Variants in POLE observed in about 807,000 individuals in gnomAD.
POLE encodes the protein DNA polymerase epsilon catalytic subunit A.
Under a neutral mutation model 279.2 loss-of-function variants are expected in POLE, and 188 were observed. The observed-to-expected ratio is 0.67, with a 90% confidence interval of 0.60 to 0.76. POLE has a LOEUF of 0.76. Ranked by LOEUF, POLE falls within the 30% of genes least tolerant of loss-of-function variation. POLE has a pLI of 0.00. For missense variants in POLE, 2,703 were observed against 3,016.7 expected (o/e 0.90, Z 2.44); for synonymous variants, 1,214 against 1,172.5 (o/e 1.04, Z -0.72).
intron 6 of POLE, among the ~76,000 whole-genome samples, chr12:132,679,183 T>A (rs1368696226): frequency 6.6e-6 from 1 of 152,144 alleles, no homozygotes; most frequent in Non-Finnish European, 1.5e-5. Context: ...TTAATGAAAT[T>A]CATAGATGGA....
chr12:132,659,823 C>T (rs938048192), intron 25 of POLE: 1 of 307,000 alleles, frequency 3.3e-6, no homozygotes, highest in South Asian at 3.8e-5. Context: ...TCCCAAGTAG[C>T]TGAGATTACA....
intron 40 of POLE, 187 bp from the exon 41 acceptor site, chr12:132,638,326 G>T: frequency 2.4e-6 from 1 of 414,946 alleles, no homozygotes; most frequent in South Asian, 8.5e-5. Context: ...ACAAACAAAG[G>T]CAAAAGATAA....
At chr12:132,667,153 C>G (rs1383487944) in intron 20 of POLE, among the ~76,000 whole-genome samples, 1 of 152,118 alleles carries the variant, frequency 6.6e-6, no homozygotes, top group Non-Finnish European at 1.5e-5. Context: ...TCTAGGAACT[C>G]CTCACCTCCC....
Position 132,680,612 on chromosome 12 carries a change from A to G in POLE, c.280T>C (p.Phe94Leu). ...YYFIQDDGSRFKVALPYKPYF... is the reference protein window; with the variant it reads ...YYFIQDDGSRLKVALPYKPYF... ...TGTCGCAGTCAGGGGCTTACCTTAA[A>G]TCTGCTTCCGTCATCTTGAATAAAG... Residue 94 changes from phenylalanine (F) to leucine (L), a missense_variant, in exon 3 of 49, where the codon TTT becomes CTT. Physicochemically the swap from Phe to Leu is conservative, Grantham distance 22 (BLOSUM62 0). Transcript: ENST00000320574. The G allele has an allele frequency of 1.2e-6, 2 of 1,613,118 alleles. No individual in the cohort carries two copies. The highest frequency in any genetic ancestry group is 1.1e-5 in the South Asian group (1 of 91,048).
At chr12:132,638,444 GA>G (rs1166514327) in intron 40 of POLE, 2 of 201,606 alleles carry the variant, frequency 9.9e-6, no homozygotes, top group Admixed American at 5.5e-5. Context: ...CAAAACTACA[GA>G]AAAATAGACA....
intron 41 of POLE, 112 bp from the exon 42 acceptor site, chr12:132,636,136 G>C (rs2042027774): frequency 8.5e-7 from 1 of 1,175,952 alleles, no homozygotes; most frequent in Non-Finnish European, 1.2e-6. Flanking sequence ...CACTGAATTT[G>C]AAAGTTCATT....
intron 40 of POLE, chr12:132,638,914 G>A: frequency 1.7e-6 from 1 of 575,470 alleles, no homozygotes; most frequent in Non-Finnish European, 3.1e-6. Context: ...AGGAGAGGAG[G>A]TGCCACCTAG....
intron 2 of POLE, 81 bp downstream of exon 2, chr12:132,681,057 C>A (rs2136032649): frequency 6.6e-7 from 1 of 1,515,664 alleles, no homozygotes; most frequent in Non-Finnish European, 9.0e-7. Context: ...TCATGTGTCC[C>A]CCACTCTTTA....
chr12:132,641,895 C>T (rs752093639), intron 38 of POLE, 44 bp from the exon 39 acceptor site: 5 of 1,575,004 alleles, frequency 3.2e-6, no homozygotes, highest in Non-Finnish European at 4.3e-6. Context: ...CTGCCAGCTC[C>T]AGCACCACCA....
intron 26 of POLE, 63 bp from the exon 27 acceptor site, chr12:132,658,033 A>G: frequency 1.0e-6 from 1 of 998,102 alleles, no homozygotes; most frequent in Admixed American, 1.8e-5. Context: ...TCTGATCCTA[A>G]CTCTTATCAA....
chr12:132,637,055 T>G (rs2138494184), intron 41 of POLE, among the ~76,000 whole-genome samples: 1 of 152,330 alleles, frequency 6.6e-6, no homozygotes, highest in East Asian at 1.9e-4. Flanking sequence ...AATACAATTC[T>G]AGCCCAAGCC....
rs1383240856 is a variant in POLE at position 132,661,943 on chromosome 12, G to A, written c.2707-259C>T. Among the ~76,000 whole-genome samples the A allele has an allele frequency of 6.6e-6, 1 of 152,200 alleles. No individual in the cohort carries two copies. The highest frequency in any genetic ancestry group is 1.5e-5 in the Non-Finnish European group (1 of 68,022). The stretch of plus-strand genomic sequence containing the variant: ...CCCTTTACATGACATTTTCGACAAA[G>A]CAAAATTATAGTACAAAAAACACAT... On this transcript the variant is annotated intron_variant, in intron 23 of 48. Transcript: ENST00000320574. The surrounding 1 kb of genome is among the most constrained non-coding windows in gnomAD (Gnocchi z 4.1).
In POLE at chr12:132,661,167, G is replaced by GAA. The variant is rs369732588; in HGVS notation, c.2865-5_2865-4dup. ...CGTCTTCATTGAACACAGCATACCT[G>GAA]AAAAAAAAAAAAAAGGCAAGCACAG... is the stretch of plus-strand genomic sequence containing the variant. On this transcript the variant is annotated splice_region_variant and splice_polypyrimidine_tract_variant and intron_variant, in intron 24 of 48. Coordinates refer to ENST00000320574, the MANE Select transcript of POLE (RefSeq NM_006231.4). The surrounding 1 kb of genome is among the most constrained non-coding windows in gnomAD (Gnocchi z 4.1). The GAA allele has an allele frequency of 9.0e-4, 1,236 of 1,368,040 alleles. No homozygotes were observed. Among genetic ancestry groups the GAA allele is most frequent in the South Asian group, 2.5e-3 (185 of 72,644 alleles). The allele number at this position is 1,368,040 out of a possible 1,614,324, so 84.7% of individuals were successfully genotyped here. A position where few individuals can be genotyped will look rare whatever the true frequency, so the allele number is the denominator to read the frequency against.
At position 132,642,939 on chromosome 12, in the gene POLE, G is replaced by A. The variant is rs1418237375; in HGVS notation, c.4609C>T (p.Leu1537Phe). ...GALYSAEHGL[L>F]LEKVGPELLP... ...AGCTCAGGGCCCACCTTCTCCAGGA[G>A]GAGGCCGTGCTCTGCTGAGTACAGG... is the stretch of plus-strand genomic sequence containing the variant. The change falls in exon 36 of 49, where the codon CTC becomes TTC. Residue 1537 changes from leucine to phenylalanine, a missense_variant. By Grantham distance (22) the Leu-to-Phe change is conservative. Around this residue, in one of 5 missense-constraint regions of POLE, gnomAD observed 1,551 missense variants for 1,686.1 expected, o/e 0.92. Coordinates refer to ENST00000320574, the MANE Select transcript of POLE (RefSeq NM_006231.4). 7.4e-6 allele frequency: 12 copies of A among 1,612,000 alleles called. No individual in the cohort carries two copies. Among genetic ancestry groups the A allele is most frequent in the Admixed American group, 1.7e-5 (1 of 59,396 alleles).
At position 132,648,993 on chromosome 12, in the gene POLE, A is replaced by G. The variant is rs776047820; in HGVS notation, c.4085T>C (p.Ile1362Thr). 4 of 1,614,052 alleles carry G rather than the reference A, an allele frequency of 2.5e-6. No homozygotes were observed. Among genetic ancestry groups the G allele is most frequent in the Non-Finnish European group, 2.5e-6 (3 of 1,180,006 alleles). The part of the protein sequence containing the change: ...GSDLHCIRLS[I>T]PRVFYVNQRV... ...CTGGTTCACGTAGAACACACGGGGG[A>G]TGCTCAGCCTGATGCAGTGCAAGTC... is the stretch of plus-strand genomic sequence containing the variant. The change falls in exon 32 of 49, where the codon ATC (isoleucine) becomes ACC (threonine). Residue 1362 changes from isoleucine to threonine, a missense_variant. By Grantham distance (89) the Ile-to-Thr change is moderately conservative. This residue lies in a region of POLE where 1,551 missense variants were observed against 1,686.1 expected (regional missense o/e 0.92). Transcript: ENST00000320574.
At chr12:132,659,242 C>A in intron 26 of POLE, 53 bp downstream of exon 26, 1 of 1,571,146 alleles carries the variant, frequency 6.4e-7, no homozygotes, top group Non-Finnish European at 8.7e-7. Flanking sequence ...GGAGCCCTCA[C>A]CTGTCCGTGA....
chr12:132,674,888 CCCTTCCCTT>C (rs151290785), intron 12 of POLE, among the ~76,000 whole-genome samples: 1,970 of 147,876 alleles, frequency 0.013, 55 homozygotes, highest in African/African-American at 0.047. Context: ...TTTCCTCCCT[CCCTTCCCTT>C]CCTTCCCTTC....
chr12:132,625,457 A>G (rs374632655), intron 47 of POLE, 188 bp downstream of exon 47: 1 of 814,428 alleles, frequency 1.2e-6, no homozygotes, highest in East Asian at 2.4e-5. Flanking sequence ...TCTTGACCCA[A>G]GGCAGGTGCT....
rs764113920 is a variant in POLE at position 132,657,394 on chromosome 12, T to A, written c.3414A>T (p.Gly1138=). The A allele has an allele frequency of 6.2e-7, 1 of 1,613,906 alleles. No homozygotes were observed. The highest frequency in any genetic ancestry group is 1.7e-5 in the Admixed American group (1 of 59,988). ...LDWDYYIERL[G]SAIQKIITIP... is the part of the protein sequence containing the mutation. ...TGGTGATGATCTTCTGGATGGCGCT[T>A]CCCAGCCGCTCAATGTAGTAGTCCC... The change falls in exon 28 of 49, where the codon GGA becomes GGT. Residue 1138 remains glycine, a synonymous_variant. Transcript: ENST00000320574.
Sources: allele counts gnomAD v4.1 joint callset (sites outside exome capture counted in the v4.1 genomes callset), GRCh38; gene constraint gnomAD v4.1.1; regional missense constraint gnomAD v4.1.1; non-coding constraint Gnocchi (gnomAD v3.1); transcripts MANE v1.5; gene names NCBI Gene and HGNC (gene_info 2026-07-23, HGNC 2026-07-21).